WNT6: variants seen among roughly 807,000 people sequenced by gnomAD.
WNT6 encodes Wnt family member 6.
In WNT6, 27 loss-of-function variants were observed where a neutral mutation model predicts 33.1. That is an observed-to-expected ratio of 0.82 (90% confidence interval 0.60 to 1.12). The LOEUF (loss-of-function observed/expected upper bound fraction) is 1.12, where lower values mean the gene tolerates loss of function less well. Ranked by LOEUF, WNT6 falls within the 50% of genes most tolerant of loss-of-function variation. The pLI, the probability that WNT6 is intolerant of heterozygous loss-of-function variation, is 0.00. For missense variants in WNT6, 494 were observed against 535.3 expected (o/e 0.92, Z 0.76); for synonymous variants, 249 against 242.8 (o/e 1.03, Z -0.24).
In WNT6 at chr2:218,867,681, A is replaced by G. The variant is rs559335194; in HGVS notation, c.81-3346A>G. Reference sequence around the variant, plus strand: ...CTACTACCACTGTGCTTCAGGCCCCAAAACATGCAAATTCTCCCAAAGGAG... The same window carrying G: ...CTACTACCACTGTGCTTCAGGCCCCGAAACATGCAAATTCTCCCAAAGGAG... On this transcript the variant is annotated intron_variant, in intron 1 of 3. Transcript: ENST00000233948. This position sits in a 1 kb window ranked among gnomAD's most constrained non-coding sequence, Gnocchi z 4.9. Among the ~76,000 whole-genome samples, 24 of 152,326 alleles carry G rather than the reference A, an allele frequency of 1.6e-4. No individual in the cohort carries two copies. Among genetic ancestry groups the G allele is most frequent in the Middle Eastern group, 3.4e-3 (1 of 294 alleles).
In WNT6 at chr2:218,867,878, A is replaced by G. The variant is rs1276450951; in HGVS notation, c.81-3149A>G. On this transcript the variant is annotated intron_variant, in intron 1 of 3. Transcript: ENST00000233948. This position sits in a 1 kb window ranked among gnomAD's most constrained non-coding sequence, Gnocchi z 4.9. ...GTTATAGGGGGTACGTGAGTCTCTC[A>G]TGCTAACTCCTCAGTTTTTCTGAAG... is the stretch of plus-strand genomic sequence containing the variant. 6.6e-6 allele frequency among the ~76,000 whole-genome samples: 1 copy of G among 152,226 alleles called. No individual in the cohort carries two copies. Among genetic ancestry groups the G allele is most frequent in the Non-Finnish European group, 1.5e-5 (1 of 68,030 alleles).
intron 1 of WNT6, 21 bp downstream of exon 1, chr2:218,860,138 G>A: frequency 1.3e-6 from 2 of 1,512,216 alleles, no homozygotes; most frequent in South Asian, 1.2e-5. Context: ...CTGTCCTGGC[G>A]CGGCTCTGGA....
chr2:218,866,940 G>A (rs986103092), intron 1 of WNT6, among the ~76,000 whole-genome samples: 15 of 152,280 alleles, frequency 9.9e-5, no homozygotes, highest in Non-Finnish European at 1.3e-4. Context: ...AATGAGAGGC[G>A]CCCCGGGTGA....
chr2:218,872,026 T>G (rs1944407405), intron 3 of WNT6, among the ~76,000 whole-genome samples: 1 of 150,246 alleles, frequency 6.7e-6, no homozygotes, highest in Non-Finnish European at 1.5e-5. Context: ...AGGAGTCACG[T>G]GGGGGTCTGA....
At chr2:218,868,036 G>A (rs1247326038) in intron 1 of WNT6, among the ~76,000 whole-genome samples, 1 of 152,104 alleles carries the variant, frequency 6.6e-6, no homozygotes, top group Non-Finnish European at 1.5e-5. Context: ...CATTTCCTAT[G>A]TATTTAGGAT....
Position 218,871,386 on chromosome 2 carries a change from T to G in WNT6, c.302-99T>G. 1 of 1,498,480 alleles carries G rather than the reference T, an allele frequency of 6.7e-7. No homozygotes were observed. Among genetic ancestry groups the G allele is most frequent in the Non-Finnish European group, 9.0e-7 (1 of 1,107,776 alleles). The allele number at this position is 1,498,480 out of a possible 1,614,324, so 92.8% of individuals were successfully genotyped here. ...CTGGGCACCCTGCAAGGACCCTGCC[T>G]CCCAGGCCCCTGGGGCAGCCCTCCC... On this transcript the variant is annotated intron_variant, in intron 2 of 3. Coordinates refer to ENST00000233948, the MANE Select transcript of WNT6 (RefSeq NM_006522.4). This position sits in a 1 kb window ranked among gnomAD's most constrained non-coding sequence, Gnocchi z 6.4.
At position 218,871,734 on chromosome 2, in the gene WNT6, G is replaced by A; in HGVS notation, c.551G>A (p.Arg184Lys). The A allele has an allele frequency of 6.2e-7, 1 of 1,600,130 alleles. No individual in the cohort carries two copies. Residue 184 changes from arginine (R) to lysine (K), a missense_variant, in exon 3 of 4, where the codon AGG (arginine) becomes AAG (lysine). By Grantham distance (26) the Arg-to-Lys change is conservative. Transcript: ENST00000233948. The surrounding 1 kb of genome is among the most constrained non-coding windows in gnomAD (Gnocchi z 6.4). ...DDVDFGDEKS[R>K]LFMDARHKRG... ...GTGGACTTCGGGGACGAGAAGTCGA[G>A]GCTCTTTATGGACGCGCGGCACAAG...
At position 218,871,687 on chromosome 2, in the gene WNT6, G is replaced by T; in HGVS notation, c.504G>T (p.Glu168Asp). The T allele has an allele frequency of 6.3e-7, 1 of 1,575,660 alleles. No individual in the cohort carries two copies. The highest frequency in any genetic ancestry group is 8.6e-7 in the Non-Finnish European group (1 of 1,162,296). ...CCCCGGAAGGCAGCGCCGCCTGGGA[G>T]TGGGGAGGCTGCGGCGACGACGTGG... is the stretch of plus-strand genomic sequence containing the variant. Reference protein sequence around the residue: ...AGSPEGSAAWEWGGCGDDVDF... With the variant: ...AGSPEGSAAWDWGGCGDDVDF... The change falls in exon 3 of 4, where the codon GAG becomes GAT. Residue 168 changes from glutamate to aspartate, a missense_variant. Transcript: ENST00000233948. This position sits in a 1 kb window ranked among gnomAD's most constrained non-coding sequence, Gnocchi z 6.4.
In WNT6 at chr2:218,873,029, T is replaced by C. The variant is rs1944417421; in HGVS notation, c.637-355T>C. 6.6e-6 allele frequency among the ~76,000 whole-genome samples: 1 copy of C among 151,930 alleles called. No homozygotes were observed. Among genetic ancestry groups the C allele is most frequent in the Admixed American group, 6.6e-5 (1 of 15,262 alleles). ...GAGGGGGCCAGGTAGGCAGGAGAGC[T>C]AGACTTCGACAGCTGCCACCTCTCC... On this transcript the variant is annotated intron_variant, in intron 3 of 3. Coordinates refer to ENST00000233948, the MANE Select transcript of WNT6 (RefSeq NM_006522.4). The surrounding 1 kb of genome is among the most constrained non-coding windows in gnomAD (Gnocchi z 6.1).
intron 1 of WNT6, 114 bp from the exon 2 acceptor site, chr2:218,870,913 G>A: frequency 3.2e-6 from 3 of 951,874 alleles, no homozygotes; most frequent in Non-Finnish European, 1.6e-6. Flanking sequence ...TGGAGGTAGG[G>A]TGGGAGGGCA....
chr2:218,871,933 T>TC lies in WNT6; in HGVS notation c.636+114_636+115insC. 1 of 272,174 alleles carries TC rather than the reference T, an allele frequency of 3.7e-6. No homozygotes were observed. Among genetic ancestry groups the TC allele is most frequent in the Non-Finnish European group, 6.1e-6 (1 of 163,638 alleles). 16.9% of individuals were successfully genotyped at this position (272,174 alleles called of 1,614,324 possible). A position where few individuals can be genotyped will look rare whatever the true frequency, so the allele number is the denominator to read the frequency against. ...GTGTGTAGGTGGAGGGGGGCGTTAA[T>TC]GTGTGGGGGAGTGCGCACGGGCGGA... On this transcript the variant is annotated intron_variant, in intron 3 of 3. Coordinates refer to ENST00000233948, the MANE Select transcript of WNT6 (RefSeq NM_006522.4). The surrounding 1 kb of genome is among the most constrained non-coding windows in gnomAD (Gnocchi z 6.4).
intron 1 of WNT6, among the ~76,000 whole-genome samples, chr2:218,870,571 CT>C (rs1343936412): frequency 1.3e-5 from 2 of 152,256 alleles, no homozygotes. Context: ...TTGTGGTCCA[CT>C]AGGACCATAT....
chr2:218,871,357 G>A lies in WNT6; in HGVS notation c.301+110G>A. ...CCTGAGCCCCACTTCCCCCTCACATGTGTCTGGGCACCCTGCAAGGACCCT... is the reference window on the plus strand; with the variant it reads ...CCTGAGCCCCACTTCCCCCTCACATATGTCTGGGCACCCTGCAAGGACCCT... On this transcript the variant is annotated intron_variant, in intron 2 of 3. Coordinates refer to ENST00000233948, the MANE Select transcript of WNT6 (RefSeq NM_006522.4). The surrounding 1 kb of genome is among the most constrained non-coding windows in gnomAD (Gnocchi z 6.4). 1.4e-6 allele frequency: 2 copies of A among 1,480,940 alleles called. No individual in the cohort carries two copies. The highest frequency in any genetic ancestry group is 3.8e-5 in the Admixed American group (2 of 52,836). The allele number at this position is 1,480,940 out of a possible 1,614,324, so 91.7% of individuals were successfully genotyped here.
rs1174051157 is a variant in WNT6, at chr2:218,873,992, C to G, written c.*147C>G. On this transcript the variant is annotated 3_prime_UTR_variant, in exon 4 of 4. Coordinates refer to ENST00000233948, the MANE Select transcript of WNT6 (RefSeq NM_006522.4). The surrounding 1 kb of genome is among the most constrained non-coding windows in gnomAD (Gnocchi z 6.1). ...TCCCAGGGCTCTGGAAATGGTGAGG[C>G]GAGGGGCTTGAGAGGAACGCCCACC... The G allele has an allele frequency of 1.7e-5, 16 of 960,318 alleles. No homozygotes were observed. The highest frequency in any genetic ancestry group is 1.8e-5 in the African/African-American group (1 of 56,828). 59.5% of individuals were successfully genotyped at this position (960,318 alleles called of 1,614,324 possible). A position where few individuals can be genotyped will look rare whatever the true frequency, so the allele number is the denominator to read the frequency against.
In WNT6 at chr2:218,873,527, C is replaced by T; in HGVS notation, c.780C>T (p.Val260=). The stretch of plus-strand genomic sequence containing the variant: ...AGCGCTTCCACGGCGCCTCACGCGT[C>T]ATGGGCACCAACGACGGCAAGGCCC... ...LLERFHGASR[V]MGTNDGKALL... The change falls in exon 4 of 4, where the codon GTC becomes GTT. Residue 260 remains valine (V), a synonymous_variant. Transcript: ENST00000233948. This position sits in a 1 kb window ranked among gnomAD's most constrained non-coding sequence, Gnocchi z 6.1. 2 of 1,538,198 alleles carry T rather than the reference C, an allele frequency of 1.3e-6. No individual in the cohort carries two copies. The highest frequency in any genetic ancestry group is 1.7e-6 in the Non-Finnish European group (2 of 1,146,286).
rs1944419656 is a variant in WNT6, at chr2:218,873,284, C to G, written c.637-100C>G. The G allele has an allele frequency of 1.6e-6, 2 of 1,217,194 alleles. No homozygotes were observed. Among genetic ancestry groups the G allele is most frequent in the East Asian group, 5.3e-5 (2 of 37,870 alleles). The allele number at this position is 1,217,194 out of a possible 1,614,324, so 75.4% of individuals were successfully genotyped here. ...CTTTTGTCTGCATTTTCCTCTCTTC[C>G]TTTCACCTCCCATTCCCAATCTTAT... On this transcript the variant is annotated intron_variant, in intron 3 of 3. Coordinates refer to ENST00000233948, the MANE Select transcript of WNT6 (RefSeq NM_006522.4). This position sits in a 1 kb window ranked among gnomAD's most constrained non-coding sequence, Gnocchi z 6.1.
At chr2:218,864,447 A>G (rs1243878564) in intron 1 of WNT6, among the ~76,000 whole-genome samples, 2 of 151,608 alleles carry the variant, frequency 1.3e-5, no homozygotes, top group Non-Finnish European at 2.9e-5. Flanking sequence ...TAGTATTTTT[A>G]GTAGAGATGG....
At chr2:218,860,501 G>A (rs1186875858) in intron 1 of WNT6, among the ~76,000 whole-genome samples, 1 of 152,202 alleles carries the variant, frequency 6.6e-6, no homozygotes, top group Non-Finnish European at 1.5e-5. Context: ...CCACAAGGCA[G>A]AGAGGGCCAC....
chr2:218,869,462 G>A (rs1234731177), intron 1 of WNT6, among the ~76,000 whole-genome samples: 1 of 152,168 alleles, frequency 6.6e-6, no homozygotes, highest in African/African-American at 2.4e-5. Flanking sequence ...AATGGGGACA[G>A]TGGGGCGGAT....
Sources: gnomAD v4.1 joint callset for allele counts (sites outside exome capture counted in the v4.1 genomes callset) on GRCh38, gnomAD v4.1.1 for gene constraint, Gnocchi (gnomAD v3.1) non-coding constraint, MANE v1.5 for transcripts, NCBI Gene and HGNC (gene_info 2026-07-23, HGNC 2026-07-21) for gene names.